SAMD4A: variants seen among roughly 807,000 people sequenced by gnomAD.
SAMD4A encodes the protein protein Smaug homolog 1.
Under a neutral mutation model 81.3 loss-of-function variants are expected in SAMD4A, and 33 were observed. The ratio of observed to expected loss-of-function variants is 0.41; its 90% CI spans 0.31 to 0.54. SAMD4A has a LOEUF of 0.54. Among genes scored for constraint, SAMD4A ranks in the 20% least tolerant of loss-of-function variants. The pLI, the probability that SAMD4A is intolerant of heterozygous loss-of-function variation, is 0.37. For missense variants in SAMD4A, 854 were observed against 951.1 expected (o/e 0.90, Z 1.34); for synonymous variants, 389 against 382.1 (o/e 1.02, Z -0.21).
At chr14:54,687,836 A>G (rs1439111254) in intron 2 of SAMD4A, 4 of 303,694 alleles carry the variant, frequency 1.3e-5, no homozygotes, top group African/African-American at 6.8e-5. Context: ...GACATGTAAG[A>G]TAAGTGGAGG....
intron 2 of SAMD4A, among the ~76,000 whole-genome samples, chr14:54,582,872 A>G (rs1033214266): frequency 4.6e-5 from 7 of 152,214 alleles, no homozygotes; most frequent in African/African-American, 1.7e-4. Context: ...AAAAATTAAG[A>G]ATTGGTCAAT....
intron 2 of SAMD4A, among the ~76,000 whole-genome samples, chr14:54,586,567 T>C (rs1037115187): frequency 2.6e-5 from 4 of 152,156 alleles, no homozygotes; most frequent in Non-Finnish European, 5.9e-5. Context: ...TCACGTCTTA[T>C]ATTTGTCTTT....
At chr14:54,603,805 TG>T (rs2034126054) in intron 2 of SAMD4A, among the ~76,000 whole-genome samples, 3 of 150,548 alleles carry the variant, frequency 2.0e-5, no homozygotes, top group African/African-American at 7.3e-5. Context: ...TTTGTTTGTT[TG>T]TTTGTTTATT....
chr14:54,611,875 TAAA>T (rs1179117861), intron 2 of SAMD4A, among the ~76,000 whole-genome samples: 3 of 120,172 alleles, frequency 2.5e-5, no homozygotes, highest in Non-Finnish European at 3.5e-5. Flanking sequence ...AGACTCTGTC[TAAA>T]AAAAAAAAAA....
chr14:54,566,383 C>T (rs967030635), upstream of SAMD4A, among the ~76,000 whole-genome samples: 1 of 151,840 alleles, frequency 6.6e-6, no homozygotes, highest in African/African-American at 2.4e-5. Context: ...CGGGGGCTTC[C>T]CCCTCCGCCC....
At position 54,584,334 on chromosome 14, in the gene SAMD4A, T is replaced by C. The variant is rs146497092; in HGVS notation, c.196+16222T>C. Among the ~76,000 whole-genome samples the C allele has an allele frequency of 3.9e-4, 59 of 152,310 alleles. No individual in the cohort carries two copies. The East Asian group carries it at 8.1e-3, about 21-fold the overall frequency. ...CTTGCATGTGCAGGAGTAGGAGAGC[T>C]TTGCAGATAAGACATAGCAGCTGAG... On this transcript the variant is annotated intron_variant, in intron 2 of 12. Transcript: ENST00000554335.
intron 4 of SAMD4A, among the ~76,000 whole-genome samples, chr14:54,743,395 G>A (rs186640312): frequency 1.3e-5 from 2 of 152,324 alleles, no homozygotes; most frequent in East Asian, 3.9e-4. Flanking sequence ...GATAGGCTGA[G>A]AGCCCTGAGG....
At chr14:54,668,631 A>T (rs879299328) in intron 2 of SAMD4A, among the ~76,000 whole-genome samples, 5 of 152,212 alleles carry the variant, frequency 3.3e-5, no homozygotes, top group Non-Finnish European at 5.9e-5. Context: ...ATATTCAATA[A>T]ACATTTGTAG....
intron 2 of SAMD4A, among the ~76,000 whole-genome samples, chr14:54,639,514 A>G (rs919428126): frequency 1.1e-4 from 17 of 152,174 alleles, no homozygotes; most frequent in Admixed American, 5.2e-4. Context: ...AGTGGGGGCC[A>G]CTCCTCACAG....
chr14:54,687,316 T>TTGGAA (rs1230696394), intron 2 of SAMD4A: 3 of 456,376 alleles, frequency 6.6e-6, no homozygotes, highest in African/African-American at 6.0e-5. Context: ...ACTGCAGACT[T>TTGGAA]TGGATGTTCT....
intron 4 of SAMD4A, among the ~76,000 whole-genome samples, chr14:54,745,031 G>A (rs1594888650): frequency 1.3e-5 from 2 of 152,270 alleles, no homozygotes; most frequent in East Asian, 1.9e-4. Context: ...GCTCTTCCCT[G>A]ATCTTCAAGT....
At chr14:54,566,705 C>G (rs1310000944), upstream of SAMD4A, among the ~76,000 whole-genome samples, 1 of 151,690 alleles carries the variant, frequency 6.6e-6, no homozygotes, top group East Asian at 1.9e-4. Context: ...CCGGGCCGGA[C>G]AGACCAGCCC....
chr14:54,767,135 TTGAG>T (rs965186865), intron 8 of SAMD4A, among the ~76,000 whole-genome samples: 1 of 152,058 alleles, frequency 6.6e-6, no homozygotes, highest in Non-Finnish European at 1.5e-5. Flanking sequence ...TGATTTTACT[TTGAG>T]AGAGAGGAAA....
At chr14:54,701,063 A>G (rs2036704131) in intron 2 of SAMD4A, 1 of 150,816 alleles carries the variant, frequency 6.6e-6, no homozygotes, top group African/African-American at 2.5e-5. Flanking sequence ...CAGTGGTGCA[A>G]TCACAGCTCA....
At chr14:54,603,568 T>A (rs1399888808) in intron 2 of SAMD4A, among the ~76,000 whole-genome samples, 1 of 152,134 alleles carries the variant, frequency 6.6e-6, no homozygotes, top group African/African-American at 2.4e-5. Context: ...TTGATTTTTT[T>A]AAATGGTTGT....
Position 54,653,031 on chromosome 14 carries a change from A to G in SAMD4A, c.197-49031A>G, listed in dbSNP as rs537129251. Among the ~76,000 whole-genome samples the G allele has an allele frequency of 2.0e-5, 3 of 151,892 alleles. No homozygotes were observed. In the South Asian group the frequency reaches 6.3e-4, roughly 32 times the overall value. On this transcript the variant is annotated intron_variant, in intron 2 of 12. Transcript: ENST00000554335. ...ACCTCACGTAGCCCTGTCTTCATTC[A>G]TGCCCTCTCGGGTGCTCCCTGCTGC... is the stretch of plus-strand genomic sequence containing the variant.
chr14:54,760,300 C>T lies in SAMD4A; in HGVS notation c.1316C>T (p.Ser439Leu), dbSNP rs1436074659. 1.2e-6 allele frequency: 2 copies of T among 1,610,768 alleles called. No individual in the cohort carries two copies. Among genetic ancestry groups the T allele is most frequent in the South Asian group, 1.1e-5 (1 of 90,778 alleles). ...RREPQAPRQP[S>L]LMGPESQSPD... ...GAGCCCCAGGCCCCGCGTCAGCCCT[C>T]ACTGATGGGCCCCGAGAGCCAGAGC... is the stretch of plus-strand genomic sequence containing the variant. Residue 439 changes from serine (S) to leucine (L), a missense_variant, in exon 7 of 13, where the codon TCA (serine) becomes TTA (leucine). Ser to Leu is a moderately radical substitution (Grantham distance 145). This residue lies in a region of SAMD4A where 428 missense variants were observed against 471.2 expected (regional missense o/e 0.91). Transcript: ENST00000554335.
chr14:54,639,499 T>C (rs2035116868), intron 2 of SAMD4A, among the ~76,000 whole-genome samples: 1 of 152,156 alleles, frequency 6.6e-6, no homozygotes, highest in South Asian at 2.1e-4. Context: ...GCAACCAGCC[T>C]CACAAGTGGG....
chr14:54,730,449 C>T (rs980079598), intron 3 of SAMD4A, among the ~76,000 whole-genome samples: 1 of 152,178 alleles, frequency 6.6e-6, no homozygotes, highest in Non-Finnish European at 1.5e-5. Context: ...AGGAACATCC[C>T]GTCCACCAAC....
Sources: allele counts gnomAD v4.1 joint callset (sites outside exome capture counted in the v4.1 genomes callset), GRCh38; gene constraint gnomAD v4.1.1; regional missense constraint gnomAD v4.1.1; transcripts MANE v1.5; gene names NCBI Gene and HGNC (gene_info 2026-07-23, HGNC 2026-07-21).